The following SLC38A12 variants were observed in gnomAD, a reference collection of about 807,000 sequenced individuals.
SLC38A12 encodes solute carrier family 38 member 12.
chr17:74,827,326 C>T, the SLC38A12 span, among the ~76,000 whole-genome samples: 3 of 150,188 alleles, frequency 2.0e-5, no homozygotes, highest in African/African-American at 4.9e-5. This position sits in a 1 kb window ranked among gnomAD's most constrained non-coding sequence, Gnocchi z 4.7. Flanking sequence ...GACAGAGTCT[C>T]GCTCTGTCGC....
chr17:74,790,060 C>A, the SLC38A12 span: 16 of 639,166 alleles, frequency 2.5e-5, no homozygotes, highest in East Asian at 1.7e-4. Flanking sequence ...CTCAGGTGAT[C>A]CTCCCATCTC....
At chr17:74,779,949 C>T in the SLC38A12 span, among the ~76,000 whole-genome samples, 1 of 152,208 alleles carries the variant, frequency 6.6e-6, no homozygotes, top group Non-Finnish European at 1.5e-5. Flanking sequence ...AACACGGGAA[C>T]GTGGTTCAGA....
the SLC38A12 span, chr17:74,777,506 G>A: frequency 6.4e-7 from 1 of 1,552,462 alleles, no homozygotes; most frequent in East Asian, 2.3e-5. Context: ...GGATGGGGGA[G>A]TTCCATGGGG....
chr17:74,820,784 A>C, the SLC38A12 span, among the ~76,000 whole-genome samples: 2 of 152,076 alleles, frequency 1.3e-5, no homozygotes, highest in Non-Finnish European at 2.9e-5. Flanking sequence ...GTGCTCGCCC[A>C]TTCTACCCTC....
the SLC38A12 span, among the ~76,000 whole-genome samples, chr17:74,815,552 GC>G: frequency 3.3e-5 from 5 of 152,154 alleles, no homozygotes; most frequent in African/African-American, 1.2e-4. Flanking sequence ...TCACTCACAC[GC>G]TCCGTGGTGC....
the SLC38A12 span, among the ~76,000 whole-genome samples, chr17:74,797,042 C>A: frequency 1.2e-4 from 19 of 152,308 alleles, no homozygotes; most frequent in South Asian, 2.7e-3. Context: ...AGAGCAGCCA[C>A]AGCAGAGCCA....
At chr17:74,800,602 G>A in the SLC38A12 span, among the ~76,000 whole-genome samples, 1 of 152,252 alleles carries the variant, frequency 6.6e-6, no homozygotes, top group Non-Finnish European at 1.5e-5. Context: ...CAGTGAGGAA[G>A]GAAAATTAGT....
At chr17:74,817,664 A>T in the SLC38A12 span, among the ~76,000 whole-genome samples, 2 of 152,274 alleles carry the variant, frequency 1.3e-5, no homozygotes, top group South Asian at 4.2e-4. Context: ...GGATCTTGAC[A>T]AGCATCTGCC....
the SLC38A12 span, among the ~76,000 whole-genome samples, chr17:74,805,403 A>G: frequency 4.6e-5 from 7 of 152,210 alleles, no homozygotes; most frequent in Non-Finnish European, 1.0e-4. This position sits in a 1 kb window ranked among gnomAD's most constrained non-coding sequence, Gnocchi z 5.0. Context: ...CCATGTCCCT[A>G]GCGGGTGGTG....
At chr17:74,778,214 C>T in the SLC38A12 span, among the ~76,000 whole-genome samples, 2 of 152,234 alleles carry the variant, frequency 1.3e-5, no homozygotes, top group Admixed American at 1.3e-4. Flanking sequence ...CCCCAACACA[C>T]ACGCAGTTTA....
At chr17:74,812,649 C>T in the SLC38A12 span, among the ~76,000 whole-genome samples, 3 of 152,096 alleles carry the variant, frequency 2.0e-5, no homozygotes, top group Admixed American at 1.3e-4. Flanking sequence ...GATTTGTGCG[C>T]TCCGCCTCCA....
chr17:74,793,240 T>A, the SLC38A12 span, among the ~76,000 whole-genome samples: 1 of 152,320 alleles, frequency 6.6e-6, no homozygotes, highest in Middle Eastern at 3.4e-3. Context: ...GGGCCTGTTC[T>A]GTGTGTGGTA....
chr17:74,835,107 A>G, the SLC38A12 span, among the ~76,000 whole-genome samples: 6 of 152,164 alleles, frequency 3.9e-5, no homozygotes, highest in African/African-American at 7.2e-5. Flanking sequence ...TCCATCAGCA[A>G]CGCAAGCTGT....
chr17:74,830,303 T>C, the SLC38A12 span, among the ~76,000 whole-genome samples: 1 of 152,146 alleles, frequency 6.6e-6, no homozygotes, highest in African/African-American at 2.4e-5. Context: ...GAGGGAGAGA[T>C]GTTGACTTTC....
chr17:74,795,128 C>A, the SLC38A12 span: 4 of 1,608,564 alleles, frequency 2.5e-6, no homozygotes, highest in South Asian at 2.2e-5. Flanking sequence ...ACCCTCCTGG[C>A]CCCCAGGTTG....
At chr17:74,801,256 C>A in the SLC38A12 span, among the ~76,000 whole-genome samples, 1 of 152,232 alleles carries the variant, frequency 6.6e-6, no homozygotes, top group African/African-American at 2.4e-5. Context: ...GTTTGTTTTG[C>A]CTTTCACCTT....
the SLC38A12 span, chr17:74,836,221 T>C: frequency 6.2e-7 from 1 of 1,611,598 alleles, no homozygotes; most frequent in Non-Finnish European, 8.5e-7. The surrounding 1 kb of genome is among the most constrained non-coding windows in gnomAD (Gnocchi z 4.2). Flanking sequence ...ACCCTCAACT[T>C]CGCGCGCTGT....
the SLC38A12 span, among the ~76,000 whole-genome samples, chr17:74,811,068 G>A: frequency 6.6e-6 from 1 of 152,206 alleles, no homozygotes; most frequent in African/African-American, 2.4e-5. Context: ...CGTGGCTTAC[G>A]CCTGGAATCC....
At chr17:74,798,519 G>A in the SLC38A12 span, among the ~76,000 whole-genome samples, 16 of 152,298 alleles carry the variant, frequency 1.1e-4, no homozygotes, top group Admixed American at 6.5e-5. Flanking sequence ...TTCCCGGCGC[G>A]GCTGATATGA....
Sources: allele counts gnomAD v4.1 joint callset (sites outside exome capture counted in the v4.1 genomes callset), GRCh38; gene constraint gnomAD v4.1.1; non-coding constraint Gnocchi (gnomAD v3.1); transcripts MANE v1.5; gene names NCBI Gene and HGNC (gene_info 2026-07-23, HGNC 2026-07-21).